Variants in HENMT1 observed in about 807,000 individuals in gnomAD.
HENMT1 encodes the protein small RNA 2'-O-methyltransferase.
Under a neutral mutation model 31.1 loss-of-function variants are expected in HENMT1, and 27 were observed. The observed-to-expected ratio is 0.87, with a 90% CI of 0.64 to 1.20. The LOEUF (loss-of-function observed/expected upper bound fraction) is 1.20, where lower values mean the gene tolerates loss of function less well. HENMT1 is among the 50% of genes most tolerant of loss of function. The probability of loss-of-function intolerance (pLI) is 0.00; values close to 1 mark genes in which losing one functional copy is unlikely to be tolerated. For missense variants in HENMT1, 438 were observed against 469.6 expected, an observed-to-expected ratio of 0.93 and a Z score of 0.62; for synonymous variants, 167 against 172.2, an observed-to-expected ratio of 0.97 and a Z score of 0.24.
Position 108,651,167 on chromosome 1 carries a change from T to A in HENMT1, c.441A>T (p.Glu147Asp). 6.2e-7 allele frequency: 1 copy of A among 1,614,106 alleles called. No homozygotes were observed. The highest frequency in any genetic ancestry group is 8.5e-7 in the Non-Finnish European group (1 of 1,179,998). ...ATGGAGACAGGTACCCAAATACCACTTCAGGAAATCTGGCCAGATCACCTG... is the reference window on the plus strand; with the variant it reads ...ATGGAGACAGGTACCCAAATACCACATCAGGAAATCTGGCCAGATCACCTG... ...LDSGDLARFP[E>D]VVFGYLSPSM... The change falls in exon 6 of 8, where the codon GAA becomes GAT. Residue 147 changes from glutamate to aspartate, a missense_variant. Coordinates refer to ENST00000651461, the MANE Select transcript of HENMT1 (RefSeq NM_001102592.2).
In HENMT1 at chr1:108,648,969, C is replaced by G; in HGVS notation, c.779G>C (p.Ser260Thr). 6.2e-7 allele frequency: 1 copy of G among 1,606,574 alleles called. No homozygotes were observed. The highest frequency in any genetic ancestry group is 1.1e-5 in the South Asian group (1 of 90,476). ...TTTAAAGAACCTTTCCTGCTGTAAG[C>G]TTGGGTATGAGGTGGTAAAAACCTG... Reference protein sequence around the residue: ...YKAVFTTSYPSLQQERFFKLV... With the variant: ...YKAVFTTSYPTLQQERFFKLV... Residue 260 changes from serine to threonine, a missense_variant, in exon 8 of 8, where the codon AGC becomes ACC. Ser to Thr is a moderately conservative substitution (Grantham distance 58). Transcript: ENST00000651461.
At chr1:108,658,038 CATATATAT>C (rs1289197785) in intron 2 of HENMT1, among the ~76,000 whole-genome samples, 1 of 123,760 alleles carries the variant, frequency 8.1e-6, no homozygotes, top group African/African-American at 3.6e-5. Context: ...CACACACACA[CATATATAT>C]ACACACACAC....
Position 108,650,149 on chromosome 1 carries a change from A to G in HENMT1, c.756+62T>C, listed in dbSNP as rs1163854303. ...TCTACTTTGGGGATTCTTACTCCCCAAAAAAGTTCACCATCCTAATGTATC... is the reference window on the plus strand; with the variant it reads ...TCTACTTTGGGGATTCTTACTCCCCGAAAAAGTTCACCATCCTAATGTATC... On this transcript the variant is annotated intron_variant, in intron 7 of 7. Coordinates refer to ENST00000651461, the MANE Select transcript of HENMT1 (RefSeq NM_001102592.2). 39 of 1,495,040 alleles carry G rather than the reference A, an allele frequency of 2.6e-5. No individual in the cohort carries two copies. In the East Asian group the frequency reaches 8.6e-4, roughly 33 times the overall value. The allele number at this position is 1,495,040 out of a possible 1,614,324, so 92.6% of individuals were successfully genotyped here.
At chr1:108,657,212 C>CT (rs1658271718) in intron 3 of HENMT1, among the ~76,000 whole-genome samples, 2 of 152,108 alleles carry the variant, frequency 1.3e-5, no homozygotes, top group Admixed American at 6.6e-5. Context: ...ATTCCACTGT[C>CT]CTTTCAAACC....
At chr1:108,658,118 C>CAT (rs1201012648) in intron 2 of HENMT1, among the ~76,000 whole-genome samples, 83 of 129,016 alleles carry the variant, frequency 6.4e-4, no homozygotes, top group Middle Eastern at 4.2e-3. Context: ...CACACACACA[C>CAT]ATATATATAT....
chr1:108,654,580 T>G (rs978351702), intron 5 of HENMT1, 136 bp downstream of exon 5: 25 of 815,412 alleles, frequency 3.1e-5, no homozygotes, highest in Non-Finnish European at 4.6e-5. Context: ...AAAAGCAGAG[T>G]AAAAAGATAT....
At chr1:108,657,189 C>G (rs761630938) in intron 3 of HENMT1, among the ~76,000 whole-genome samples, 2 of 152,166 alleles carry the variant, frequency 1.3e-5, no homozygotes, top group Non-Finnish European at 2.9e-5. Context: ...CAGCCCCCTC[C>G]TTAAGGCTCC....
chr1:108,657,705 A>C (rs1389414916), intron 2 of HENMT1, 126 bp from the exon 3 acceptor site: 2 of 818,964 alleles, frequency 2.4e-6, no homozygotes, highest in Non-Finnish European at 3.8e-6. Flanking sequence ...GCCTTCACAT[A>C]CCCTTTGTCC....
intron 5 of HENMT1, among the ~76,000 whole-genome samples, chr1:108,653,528 A>G (rs963920157): frequency 2.6e-5 from 4 of 152,236 alleles, no homozygotes; most frequent in African/African-American, 2.4e-5. Context: ...ACTGTTTTCA[A>G]TAACGGCTGT....
Position 108,661,035 on chromosome 1 carries a change from AAAAAC to A in HENMT1, c.-156_-152del, listed in dbSNP as rs1658451634. The A allele has an allele frequency of 1.0e-6, 1 of 984,120 alleles. No individual in the cohort carries two copies. Among genetic ancestry groups the A allele is most frequent in the African/African-American group, 1.7e-5 (1 of 57,206 alleles). 61.0% of individuals were successfully genotyped at this position (984,120 alleles called of 1,614,324 possible). A position where few individuals can be genotyped will look rare whatever the true frequency, so the allele number is the denominator to read the frequency against. On this transcript the variant is annotated 5_prime_UTR_variant, in exon 1 of 8. Transcript: ENST00000651461. Reference sequence around the variant, plus strand: ...TGCGGTAAGCAGCATGCCCAACCGAAAAAACAAAGCTCGTCGCGGAGCCGCCAGCG... The same window carrying A: ...TGCGGTAAGCAGCATGCCCAACCGAAAAAGCTCGTCGCGGAGCCGCCAGCG...
At chr1:108,653,886 C>T (rs1177141033) in intron 5 of HENMT1, among the ~76,000 whole-genome samples, 2 of 152,082 alleles carry the variant, frequency 1.3e-5, no homozygotes, top group Non-Finnish European at 2.9e-5. Context: ...TGTGCAGAAA[C>T]CTTTCAGTTT....
intron 5 of HENMT1, among the ~76,000 whole-genome samples, chr1:108,652,012 C>G (rs10157226): frequency 0.99 from 150,433 of 152,324 alleles, 74,314 homozygotes; most frequent in East Asian, 1. Flanking sequence ...CACTCAGATA[C>G]AGCGACATTC....
chr1:108,649,114 C>T, intron 7 of HENMT1, 123 bp from the exon 8 acceptor site: 1 of 727,328 alleles, frequency 1.4e-6, no homozygotes, highest in Non-Finnish European at 2.2e-6. Flanking sequence ...TATGTCAGAT[C>T]CTACTAATCG....
Position 108,659,951 on chromosome 1 carries a change from G to A in HENMT1, c.-67C>T. ...CTTCAAGCTCTATTTGAGAGAATCA[G>A]CACTGACTCAGCTGTAATAAATACA... On this transcript the variant is annotated 5_prime_UTR_variant, in exon 2 of 8. Transcript: ENST00000651461. 6.5e-7 allele frequency: 1 copy of A among 1,536,294 alleles called. No homozygotes were observed. Among genetic ancestry groups the A allele is most frequent in the Admixed American group, 2.2e-5 (1 of 45,486 alleles).
chr1:108,649,277 G>A, intron 7 of HENMT1: 1 of 537,262 alleles, frequency 1.9e-6, no homozygotes, highest in Non-Finnish European at 3.6e-6. Context: ...AGGGGCAAGG[G>A]CAAAAAAAAA....
chr1:108,648,659 T>A lies in HENMT1; in HGVS notation c.1089A>T (p.Arg363Ser). Reference protein sequence around the residue: ...NRLCANEEMMRSVIADSIPLS... With the variant: ...NRLCANEEMMSSVIADSIPLS... ...GAGGAATTGAGTCAGCAATGACTGATCTCATCATCTCTTCATTAGCACATA... is the reference window on the plus strand; with the variant it reads ...GAGGAATTGAGTCAGCAATGACTGAACTCATCATCTCTTCATTAGCACATA... Residue 363 changes from arginine to serine, a missense_variant, in exon 8 of 8, where the codon AGA (arginine) becomes AGT (serine). Arg to Ser is a moderately radical substitution (Grantham distance 110). Transcript: ENST00000651461. 1 of 1,614,086 alleles carries A rather than the reference T, an allele frequency of 6.2e-7. No individual in the cohort carries two copies. The highest frequency in any genetic ancestry group is 8.5e-7 in the Non-Finnish European group (1 of 1,179,970).
At chr1:108,654,197 C>A (rs1658144139) in intron 5 of HENMT1, among the ~76,000 whole-genome samples, 1 of 152,062 alleles carries the variant, frequency 6.6e-6, no homozygotes, top group East Asian at 1.9e-4. Context: ...GCTGTAAATG[C>A]ATGGATTTAT....
chr1:108,648,939 A>C lies in HENMT1; in HGVS notation c.809T>G (p.Val270Gly), dbSNP rs1657962543. Residue 270 changes from valine (V) to glycine (G), a missense_variant, in exon 8 of 8, where the codon GTG becomes GGG. Physicochemically the swap from Val to Gly is moderately radical, Grantham distance 109 (BLOSUM62 -3). Coordinates refer to ENST00000651461, the MANE Select transcript of HENMT1 (RefSeq NM_001102592.2). ...SLQQERFFKL[V>G]LVNEVSQQVE... ...TTGTTGGGACACCTCATTAACCAACACAAGTTTAAAGAACCTTTCCTGCTG... is the reference window on the plus strand; with the variant it reads ...TTGTTGGGACACCTCATTAACCAACCCAAGTTTAAAGAACCTTTCCTGCTG... 11 of 1,613,040 alleles carry C rather than the reference A, an allele frequency of 6.8e-6. No homozygotes were observed. Among genetic ancestry groups the C allele is most frequent in the Non-Finnish European group, 9.3e-6 (11 of 1,179,264 alleles).
chr1:108,648,636 G>A lies in HENMT1; in HGVS notation c.1112C>T (p.Pro371Leu), dbSNP rs768852467. ...MMRSVIADSI[P>L]LSSDGSAVVA... ...CACTGCAGAACCATCACTGCTCAGAGGAATTGAGTCAGCAATGACTGATCT... is the reference window on the plus strand; with the variant it reads ...CACTGCAGAACCATCACTGCTCAGAAGAATTGAGTCAGCAATGACTGATCT... The change falls in exon 8 of 8, where the codon CCT (proline) becomes CTT (leucine). Residue 371 changes from proline to leucine, a missense_variant. Pro to Leu is a moderately conservative substitution (Grantham distance 98). Transcript: ENST00000651461. 1.9e-6 allele frequency: 3 copies of A among 1,614,220 alleles called. No homozygotes were observed. Among genetic ancestry groups the A allele is most frequent in the Non-Finnish European group, 2.5e-6 (3 of 1,180,016 alleles).
Sources: gnomAD v4.1 joint callset for allele counts (sites outside exome capture counted in the v4.1 genomes callset) on GRCh38, gnomAD v4.1.1 for gene constraint, MANE v1.5 for transcripts, NCBI Gene and HGNC (gene_info 2026-07-23, HGNC 2026-07-21) for gene names.